LARP4: variants seen among roughly 807,000 people sequenced by gnomAD.
LARP4 encodes La ribonucleoprotein 4.
In LARP4, 29 loss-of-function variants were observed where a neutral mutation model predicts 92.9. That is an observed-to-expected ratio of 0.31 (90% CI 0.23 to 0.43). LARP4 has a LOEUF of 0.43. Ranked by LOEUF, LARP4 falls within the 20% of genes least tolerant of loss-of-function variation. LARP4 has a pLI of 1.00. For synonymous variants in LARP4, 279 were observed against 284.1 expected, an observed-to-expected ratio of 0.98 and a Z score of 0.18; for missense variants, 732 against 860.0, an observed-to-expected ratio of 0.85 and a Z score of 1.86.
At position 50,462,611 on chromosome 12, in the gene LARP4, G is replaced by A. The variant is rs772685651; in HGVS notation, c.1364G>A (p.Arg455Gln). 1.0e-5 allele frequency: 14 copies of A among 1,342,142 alleles called. No individual in the cohort carries two copies. In the East Asian group the frequency reaches 1.4e-4, roughly 13 times the overall value. 83.1% of individuals were successfully genotyped at this position (1,342,142 alleles called of 1,614,324 possible). The change falls in exon 12 of 16, where the codon CGA becomes CAA. Residue 455 changes from arginine (R) to glutamine (Q), a missense_variant. This residue lies in a region of LARP4 where 264 missense variants were observed against 269.5 expected (regional missense o/e 0.98). Transcript: ENST00000398473. ...RRTLFRGRRR[R>Q]EDDRISRPHP... is the part of the protein sequence containing the mutation. The stretch of plus-strand genomic sequence containing the variant: ...ACTCTCTTCAGAGGTCGAAGACGAC[G>A]AGAAGATGACAGGATCTCAGTAAGT...
intron 8 of LARP4, among the ~76,000 whole-genome samples, chr12:50,443,459 T>C (rs931949815): frequency 9.2e-5 from 14 of 151,926 alleles, no homozygotes; most frequent in African/African-American, 3.4e-4. Flanking sequence ...TTGGTAGAGT[T>C]GGGGTCTATG....
At chr12:50,417,612 A>G (rs1006825100) in intron 1 of LARP4, among the ~76,000 whole-genome samples, 2 of 152,130 alleles carry the variant, frequency 1.3e-5, no homozygotes, top group South Asian at 2.1e-4. Flanking sequence ...TGGTTTTGCT[A>G]TTATTGTAAA....
chr12:50,474,600 G>A (rs1957347132), intron 15 of LARP4, among the ~76,000 whole-genome samples: 1 of 152,160 alleles, frequency 6.6e-6, no homozygotes, highest in African/African-American at 2.4e-5. Context: ...ACCCGCCTCG[G>A]CCTCCCAAAG....
intron 1 of LARP4, among the ~76,000 whole-genome samples, chr12:50,425,302 G>A (rs1948542229): frequency 6.6e-6 from 1 of 152,124 alleles, no homozygotes; most frequent in African/African-American, 2.4e-5. Context: ...TTATTTACCA[G>A]ATCAATATTG....
chr12:50,408,294 T>C (rs1945222959), intron 1 of LARP4, among the ~76,000 whole-genome samples: 1 of 140,512 alleles, frequency 7.1e-6, no homozygotes, highest in Admixed American at 7.8e-5. Flanking sequence ...GCCTCCCGGG[T>C]TCAAGTGATT....
chr12:50,414,219 T>G (rs1196507054), intron 1 of LARP4, among the ~76,000 whole-genome samples: 2 of 152,238 alleles, frequency 1.3e-5, no homozygotes, highest in African/African-American at 4.8e-5. Flanking sequence ...ACATTTTCCC[T>G]GTTCGGCAAA....
chr12:50,438,531 A>G (rs1593103231), intron 6 of LARP4, among the ~76,000 whole-genome samples: 1 of 151,866 alleles, frequency 6.6e-6, no homozygotes, highest in African/African-American at 2.4e-5. Flanking sequence ...GACTAACCCT[A>G]TTGTTCAGCG....
chr12:50,439,957 G>T (rs1593117570), intron 6 of LARP4, among the ~76,000 whole-genome samples: 1 of 152,266 alleles, frequency 6.6e-6, no homozygotes, highest in South Asian at 2.1e-4. Context: ...AAAGCAACTG[G>T]ATTAAATGAG....
At chr12:50,418,385 A>G (rs898191347) in intron 1 of LARP4, among the ~76,000 whole-genome samples, 20 of 152,232 alleles carry the variant, frequency 1.3e-4, no homozygotes, top group Non-Finnish European at 1.8e-4. Context: ...GTTATACCAT[A>G]ATTGTCTCAA....
intron 1 of LARP4, among the ~76,000 whole-genome samples, chr12:50,408,187 C>CTT (rs71083565): frequency 0.024 from 1,672 of 69,230 alleles, 381 homozygotes; most frequent in African/African-American, 0.041. Context: ...GGATTTTCTG[C>CTT]TTTTTTTTTT....
intron 1 of LARP4, among the ~76,000 whole-genome samples, chr12:50,402,502 C>T (rs1291886561): frequency 6.6e-6 from 1 of 151,996 alleles, no homozygotes. Flanking sequence ...GTGTGTTTTG[C>T]TGGGCAGAAG....
At chr12:50,436,538 TAACA>T (rs1004871860) in intron 5 of LARP4, among the ~76,000 whole-genome samples, 2 of 152,228 alleles carry the variant, frequency 1.3e-5, no homozygotes, top group African/African-American at 4.8e-5. Flanking sequence ...GAAATATTTG[TAACA>T]AACTTGTTTC....
chr12:50,470,800 C>T (rs1323503607), intron 13 of LARP4, among the ~76,000 whole-genome samples: 1 of 152,108 alleles, frequency 6.6e-6, no homozygotes, highest in Non-Finnish European at 1.5e-5. Flanking sequence ...TGTGTATCTC[C>T]CCACTATTTA....
chr12:50,401,314 A>G (rs1317669734), intron 1 of LARP4: 4 of 462,836 alleles, frequency 8.6e-6, no homozygotes, highest in Admixed American at 3.6e-5. Flanking sequence ...AGTGTCCCAT[A>G]TGGACCTCCT....
At chr12:50,462,130 T>G (rs1421499658) in intron 11 of LARP4, among the ~76,000 whole-genome samples, 1 of 152,090 alleles carries the variant, frequency 6.6e-6, no homozygotes, top group Non-Finnish European at 1.5e-5. Context: ...CAGAATAATA[T>G]ATTATCTTTT....
At chr12:50,471,856 A>T (rs371331044) in intron 13 of LARP4, among the ~76,000 whole-genome samples, 8 of 151,940 alleles carry the variant, frequency 5.3e-5, no homozygotes, top group African/African-American at 9.6e-5. Flanking sequence ...AGACTCATAT[A>T]TTTTTTTTAC....
intron 13 of LARP4, among the ~76,000 whole-genome samples, chr12:50,472,598 A>G (rs145240312): frequency 1.8e-4 from 28 of 151,566 alleles, no homozygotes; most frequent in African/African-American, 6.5e-4. Context: ...GGTTCACTGC[A>G]GCAGCTTCAA....
At chr12:50,451,388 C>T (rs1565669746) in intron 8 of LARP4, among the ~76,000 whole-genome samples, 1 of 152,160 alleles carries the variant, frequency 6.6e-6, no homozygotes, top group Non-Finnish European at 1.5e-5. Flanking sequence ...TCACAAATGA[C>T]AGGATTTCCT....
chr12:50,461,225 T>C lies in LARP4; in HGVS notation c.1212T>C (p.Ser404=). 6.2e-7 allele frequency: 1 copy of C among 1,614,074 alleles called. No homozygotes were observed. The highest frequency in any genetic ancestry group is 1.3e-5 in the African/African-American group (1 of 75,020). The change falls in exon 11 of 16, where the codon AGT becomes AGC. Residue 404 remains serine (S), a synonymous_variant. Transcript: ENST00000398473. The part of the protein sequence containing the change: ...SLGDGQLNRY[S]SRNFPAERHN... ...GGGATGGACAGTTGAACAGATATAG[T>C]TCAAGAAACTTTCCAGCTGAACGGC...
Sources: gnomAD v4.1 joint callset for allele counts (sites outside exome capture counted in the v4.1 genomes callset) on GRCh38, gnomAD v4.1.1 for gene constraint, gnomAD v4.1.1 regional missense constraint, MANE v1.5 for transcripts, NCBI Gene and HGNC (gene_info 2026-07-23, HGNC 2026-07-21) for gene names.